The following PTPRG variants were observed in gnomAD, a reference collection of about 807,000 sequenced individuals.
The protein encoded by PTPRG is receptor-type tyrosine-protein phosphatase gamma.
A neutral mutation model predicts 165.3 loss-of-function variants in PTPRG; 102 were observed. The observed-to-expected ratio is 0.62, with a 90% CI of 0.53 to 0.73. PTPRG has a LOEUF of 0.73. Among genes scored for constraint, PTPRG ranks in the 30% least tolerant of loss-of-function variants. PTPRG has a pLI of 0.00. For synonymous variants in PTPRG, 675 were observed against 669.5 expected, an observed-to-expected ratio of 1.01 and a Z score of -0.13; for missense variants, 1,866 against 1,861.4, an observed-to-expected ratio of 1.00 and a Z score of -0.05.
intron 1 of PTPRG, 47 bp from the exon 2 acceptor site, chr3:61,748,831 C>T (rs757182908): frequency 6.8e-7 from 1 of 1,478,178 alleles, no homozygotes; most frequent in African/African-American, 1.4e-5. Context: ...TTCCTGTATC[C>T]AGTGGGGTGC....
chr3:62,002,416 A>G (rs1223769335), intron 3 of PTPRG, among the ~76,000 whole-genome samples: 2 of 152,242 alleles, frequency 1.3e-5, no homozygotes, highest in African/African-American at 4.8e-5. Flanking sequence ...ATAAGTATTT[A>G]TTGAATGAAT....
intron 5 of PTPRG, among the ~76,000 whole-genome samples, chr3:62,105,804 C>T (rs1007959928): frequency 2.0e-5 from 3 of 152,096 alleles, no homozygotes; most frequent in African/African-American, 7.2e-5. Flanking sequence ...TAGTCAGTTG[C>T]CCAACATTCA....
intron 2 of PTPRG, among the ~76,000 whole-genome samples, chr3:61,939,374 G>A (rs986375208): frequency 3.9e-5 from 6 of 152,116 alleles, no homozygotes; most frequent in African/African-American, 1.4e-4. Flanking sequence ...AATATGCACA[G>A]GGCTCATAAA....
chr3:62,149,576 G>A (rs1297258724), intron 6 of PTPRG, among the ~76,000 whole-genome samples: 1 of 152,188 alleles, frequency 6.6e-6, no homozygotes, highest in Middle Eastern at 3.4e-3. Flanking sequence ...GGCCATCTTC[G>A]TTCTAATCTA....
intron 1 of PTPRG, among the ~76,000 whole-genome samples, chr3:61,714,070 T>C (rs1313270839): frequency 6.6e-6 from 1 of 152,202 alleles, no homozygotes; most frequent in Non-Finnish European, 1.5e-5. Flanking sequence ...CTTTCTAATA[T>C]GTCTTTTCTG....
intron 3 of PTPRG, among the ~76,000 whole-genome samples, chr3:61,996,763 A>T (rs1240964577): frequency 1.1e-4 from 16 of 152,140 alleles, no homozygotes; most frequent in Admixed American, 1.0e-3. Flanking sequence ...TGGTTCTTTC[A>T]TTCTAATACT....
intron 2 of PTPRG, among the ~76,000 whole-genome samples, chr3:61,797,581 A>ACCAACCCCCCCCCCCCCCCC (rs2035088327): frequency 7.9e-6 from 1 of 127,376 alleles, no homozygotes; most frequent in African/African-American, 3.0e-5. Flanking sequence ...TTATCTCCAC[A>ACCAACCCCCCCCCCCCCCCC]CCCCCCCCCA....
intron 7 of PTPRG, among the ~76,000 whole-genome samples, chr3:62,160,601 G>A (rs1704717827): frequency 2.6e-5 from 4 of 152,384 alleles, no homozygotes; most frequent in Admixed American, 2.0e-4. Context: ...TTCATGATCA[G>A]TCATAGAAGA....
intron 4 of PTPRG, among the ~76,000 whole-genome samples, chr3:62,010,671 A>AAT (rs2041400403): frequency 6.6e-6 from 1 of 152,198 alleles, no homozygotes; most frequent in South Asian, 2.1e-4. Context: ...AATAAAATAA[A>AAT]AAATAAAACT....
intron 2 of PTPRG, among the ~76,000 whole-genome samples, chr3:61,877,261 C>T (rs2037766645): frequency 6.6e-6 from 1 of 152,152 alleles, no homozygotes; most frequent in African/African-American, 2.4e-5. Context: ...AGCACAGAAA[C>T]ATGCCTTAGC....
intron 9 of PTPRG, among the ~76,000 whole-genome samples, chr3:62,192,983 T>G (rs1699876565): frequency 6.6e-6 from 1 of 152,214 alleles, no homozygotes; most frequent in African/African-American, 2.4e-5. Flanking sequence ...TCATTTCCAT[T>G]TATATTTTCA....
chr3:61,856,567 T>C (rs1383769228), intron 2 of PTPRG, among the ~76,000 whole-genome samples: 2 of 152,182 alleles, frequency 1.3e-5, no homozygotes, highest in Non-Finnish European at 2.9e-5. Flanking sequence ...ATTGCATGCA[T>C]ACAAGTGTAT....
intron 2 of PTPRG, among the ~76,000 whole-genome samples, chr3:61,897,857 T>G (rs2038398054): frequency 6.6e-6 from 1 of 152,202 alleles, no homozygotes; most frequent in Non-Finnish European, 1.5e-5. Context: ...ATTTATTCCT[T>G]TTTTAGTATA....
intron 1 of PTPRG, among the ~76,000 whole-genome samples, chr3:61,722,826 A>G (rs956433015): frequency 2.0e-5 from 3 of 152,202 alleles, no homozygotes; most frequent in Non-Finnish European, 2.9e-5. Context: ...TGCCTAATAC[A>G]TAGTTATTCA....
At chr3:62,057,743 G>A (rs1328985249) in intron 4 of PTPRG, among the ~76,000 whole-genome samples, 1 of 152,200 alleles carries the variant, frequency 6.6e-6, no homozygotes, top group Non-Finnish European at 1.5e-5. Context: ...CATCTGCTGT[G>A]CCGTTAACAT....
chr3:62,191,048 C>T (rs574595692), intron 8 of PTPRG, among the ~76,000 whole-genome samples: 4 of 152,132 alleles, frequency 2.6e-5, no homozygotes, highest in African/African-American at 9.7e-5. Context: ...AGCAGAAAAA[C>T]AGTTCTGTGT....
chr3:62,155,858 A>T (rs1255213600), intron 6 of PTPRG, among the ~76,000 whole-genome samples: 1 of 152,186 alleles, frequency 6.6e-6, no homozygotes, highest in African/African-American at 2.4e-5. Context: ...CTGTAGCCTC[A>T]GGTGTGTCTA....
At chr3:61,883,381 A>G (rs1443424532) in intron 2 of PTPRG, among the ~76,000 whole-genome samples, 3 of 152,112 alleles carry the variant, frequency 2.0e-5, no homozygotes, top group Non-Finnish European at 2.9e-5. Flanking sequence ...CCTGGGGTCT[A>G]ACGGTGCAAA....
intron 2 of PTPRG, among the ~76,000 whole-genome samples, chr3:61,831,533 T>TA (rs1210305290): frequency 6.6e-6 from 1 of 152,208 alleles, no homozygotes; most frequent in Non-Finnish European, 1.5e-5. Flanking sequence ...CAACCCAGCT[T>TA]AAAGTTAAAG....
Sources: gnomAD v4.1 joint callset for allele counts (sites outside exome capture counted in the v4.1 genomes callset) on GRCh38, gnomAD v4.1.1 for gene constraint, MANE v1.5 for transcripts, NCBI Gene and HGNC (gene_info 2026-07-23, HGNC 2026-07-21) for gene names.